BMPER: variants seen among roughly 807,000 people sequenced by gnomAD.
BMPER encodes the protein BMP-binding endothelial regulator protein.
A neutral mutation model predicts 87.3 loss-of-function variants in BMPER; 45 were observed. The ratio of observed to expected loss-of-function variants is 0.52; its 90% CI spans 0.41 to 0.66. The LOEUF (loss-of-function observed/expected upper bound fraction) is 0.66. BMPER is among the 30% of genes least tolerant of loss of function. BMPER has a pLI of 0.00. For missense variants in BMPER, 784 were observed against 867.5 expected, an observed-to-expected ratio of 0.90 and a Z score of 1.21; for synonymous variants, 326 against 316.2, an observed-to-expected ratio of 1.03 and a Z score of -0.33.
At chr7:33,956,917 A>T (rs1436916484) in intron 3 of BMPER, among the ~76,000 whole-genome samples, 1 of 152,202 alleles carries the variant, frequency 6.6e-6, no homozygotes, top group Non-Finnish European at 1.5e-5. Flanking sequence ...GGGTTGGTCA[A>T]GGGTCAACTG....
intron 4 of BMPER, 120 bp downstream of exon 4, chr7:33,966,681 G>A: frequency 1.1e-6 from 1 of 907,084 alleles, no homozygotes; most frequent in Admixed American, 2.1e-5. Flanking sequence ...AAAAAACAAT[G>A]AAAAAGCAAC....
chr7:34,065,751 T>A (rs1386115609), intron 11 of BMPER, among the ~76,000 whole-genome samples: 1 of 152,216 alleles, frequency 6.6e-6, no homozygotes, highest in African/African-American at 2.4e-5. Flanking sequence ...AAAAATAAAT[T>A]TGTACTCCAC....
chr7:34,028,368 G>A (rs989638731), intron 6 of BMPER, among the ~76,000 whole-genome samples: 13 of 151,840 alleles, frequency 8.6e-5, no homozygotes, highest in Middle Eastern at 3.4e-3. Flanking sequence ...TATTTAAAAG[G>A]AACACTTAAA....
chr7:34,091,913 G>C (rs1368591026), intron 13 of BMPER, among the ~76,000 whole-genome samples: 1 of 152,112 alleles, frequency 6.6e-6, no homozygotes, highest in Non-Finnish European at 1.5e-5. Flanking sequence ...ATGTTGCACT[G>C]CTTCTTATTT....
intron 11 of BMPER, among the ~76,000 whole-genome samples, chr7:34,067,643 G>A (rs933561335): frequency 6.6e-6 from 1 of 152,164 alleles, no homozygotes; most frequent in African/African-American, 2.4e-5. Context: ...CCAAGGAGGT[G>A]TTAACCTAAG....
At chr7:33,925,301 A>T (rs1387295435) in intron 2 of BMPER, among the ~76,000 whole-genome samples, 1 of 152,110 alleles carries the variant, frequency 6.6e-6, no homozygotes, top group East Asian at 1.9e-4. Flanking sequence ...TTGTACTCTA[A>T]ACTTTGCTTT....
chr7:33,910,166 T>A (rs552890517), intron 2 of BMPER, among the ~76,000 whole-genome samples: 1 of 152,342 alleles, frequency 6.6e-6, no homozygotes, highest in African/African-American at 2.4e-5. Flanking sequence ...GCATGTGCTT[T>A]ATTGTTTAGT....
intron 13 of BMPER, among the ~76,000 whole-genome samples, chr7:34,141,780 GT>G (rs1362405626): frequency 6.6e-6 from 1 of 152,072 alleles, no homozygotes. Context: ...TTTTGTCCCT[GT>G]TTTTTCCTAT....
intron 13 of BMPER, among the ~76,000 whole-genome samples, chr7:34,129,590 G>GAGAA (rs1790500317): frequency 7.8e-6 from 1 of 128,700 alleles, no homozygotes; most frequent in African/African-American, 3.1e-5. Context: ...GAGAGAGAGA[G>GAGAA]AGAGAGAGAG....
chr7:33,972,772 T>C lies in BMPER; in HGVS notation c.494-1930T>C, dbSNP rs576949171. On this transcript the variant is annotated intron_variant, in intron 5 of 14. Transcript: ENST00000649409. ...GCCACCCACCAGCCCCCTGACACCT[T>C]GGCAGGCTCTGTGTCCTCAATTACG... 1.1e-4 allele frequency among the ~76,000 whole-genome samples: 17 copies of C among 152,336 alleles called. No individual in the cohort carries two copies. The East Asian group carries it at 3.3e-3, about 29-fold the overall frequency.
At chr7:34,008,046 T>C (rs1053252375) in intron 6 of BMPER, among the ~76,000 whole-genome samples, 1 of 152,036 alleles carries the variant, frequency 6.6e-6, no homozygotes, top group South Asian at 2.1e-4. Flanking sequence ...TATCTTAATA[T>C]TGAGTATAGT....
At chr7:34,103,649 C>T (rs908324191) in intron 13 of BMPER, among the ~76,000 whole-genome samples, 1 of 152,104 alleles carries the variant, frequency 6.6e-6, no homozygotes, top group Non-Finnish European at 1.5e-5. Flanking sequence ...GGGAAGAAGT[C>T]TTGGAAGCAC....
chr7:33,981,960 A>G (rs1428472827), intron 6 of BMPER, among the ~76,000 whole-genome samples: 3 of 152,184 alleles, frequency 2.0e-5, no homozygotes, highest in African/African-American at 7.2e-5. Flanking sequence ...GCAGTCACCA[A>G]CAATCAGGGC....
chr7:34,002,896 C>A (rs993518181), intron 6 of BMPER, among the ~76,000 whole-genome samples: 3 of 150,950 alleles, frequency 2.0e-5, no homozygotes, highest in Non-Finnish European at 3.0e-5. Flanking sequence ...TTACTTGTTT[C>A]TTTGAATCTA....
chr7:34,120,300 A>G (rs1790228643), intron 13 of BMPER, among the ~76,000 whole-genome samples: 2 of 152,252 alleles, frequency 1.3e-5, no homozygotes, highest in African/African-American at 2.4e-5. Context: ...AAAAGTCTCA[A>G]GATATTCCAA....
chr7:33,956,461 G>A (rs1479584657), intron 3 of BMPER, among the ~76,000 whole-genome samples: 1 of 151,868 alleles, frequency 6.6e-6, no homozygotes, highest in African/African-American at 2.4e-5. Context: ...TGTAAACATC[G>A]AACCCTCGGA....
At chr7:34,133,832 G>A (rs1023979498) in intron 13 of BMPER, among the ~76,000 whole-genome samples, 8 of 152,122 alleles carry the variant, frequency 5.3e-5, no homozygotes, top group African/African-American at 7.2e-5. Context: ...TTTGGTGACC[G>A]AAGCTTTCTG....
intron 11 of BMPER, among the ~76,000 whole-genome samples, chr7:34,078,403 G>C (rs1788922303): frequency 6.6e-6 from 1 of 152,128 alleles, no homozygotes; most frequent in South Asian, 2.1e-4. Flanking sequence ...GAAACATTCA[G>C]CACACCATGT....
chr7:34,073,106 A>G (rs1438500089), intron 11 of BMPER, among the ~76,000 whole-genome samples: 1 of 152,190 alleles, frequency 6.6e-6, no homozygotes, highest in African/African-American at 2.4e-5. Flanking sequence ...TTTCACCAAA[A>G]TATGTTCTCA....
Sources: allele counts gnomAD v4.1 joint callset (sites outside exome capture counted in the v4.1 genomes callset), GRCh38; gene constraint gnomAD v4.1.1; transcripts MANE v1.5; gene names NCBI Gene and HGNC (gene_info 2026-07-23, HGNC 2026-07-21).